ATOSA: variants seen among roughly 807,000 people sequenced by gnomAD.
The protein encoded by ATOSA is atos homolog protein A.
At chr15:52,642,522 C>T in the ATOSA span, among the ~76,000 whole-genome samples, 1 of 152,212 alleles carries the variant, frequency 6.6e-6, no homozygotes, top group Non-Finnish European at 1.5e-5. Flanking sequence ...AGTTTGGCCA[C>T]AAGCACAGAC....
chr15:52,703,242 CA>C, the ATOSA span, among the ~76,000 whole-genome samples: 4 of 151,960 alleles, frequency 2.6e-5, no homozygotes, highest in Admixed American at 2.0e-4. Flanking sequence ...TCCTTGGGCA[CA>C]GGGGTAGAGG....
At chr15:52,678,356 A>T in the ATOSA span, 1 of 474,706 alleles carries the variant, frequency 2.1e-6, no homozygotes, top group Non-Finnish European at 3.8e-6. Context: ...CAGTCTCTGA[A>T]CCAAAACAGG....
chr15:52,605,323 A>T, the ATOSA span: 1 of 1,044,500 alleles, frequency 9.6e-7, no homozygotes. Context: ...TTTTGTTTTT[A>T]GACTCATTCC....
the ATOSA span, among the ~76,000 whole-genome samples, chr15:52,653,775 GAC>G: frequency 9.2e-5 from 14 of 152,294 alleles, no homozygotes; most frequent in East Asian, 2.5e-3. Context: ...CTGGTTTAAT[GAC>G]AGTCTCCTCC....
At chr15:52,675,786 T>G in the ATOSA span, among the ~76,000 whole-genome samples, 1 of 151,948 alleles carries the variant, frequency 6.6e-6, no homozygotes, top group Non-Finnish European at 1.5e-5. Flanking sequence ...CGGGCGCCTG[T>G]AATCCCAGCT....
chr15:52,608,620 C>T, the ATOSA span: 5 of 1,607,324 alleles, frequency 3.1e-6, no homozygotes, highest in Admixed American at 3.4e-5. Context: ...GTCTTTTATA[C>T]TTCTTCTCTG....
chr15:52,651,700 T>A, the ATOSA span, among the ~76,000 whole-genome samples: 1 of 152,336 alleles, frequency 6.6e-6, no homozygotes, highest in East Asian at 1.9e-4. Context: ...AAACAGGCTA[T>A]ATGAAGCTAA....
the ATOSA span, chr15:52,658,643 C>G: frequency 7.6e-6 from 3 of 397,060 alleles, no homozygotes; most frequent in Non-Finnish European, 1.3e-5. Context: ...CATTCAAACT[C>G]AAAATATAGG....
chr15:52,626,162 A>AAATGAT, the ATOSA span, among the ~76,000 whole-genome samples: 2 of 152,182 alleles, frequency 1.3e-5, no homozygotes, highest in Admixed American at 6.5e-5. Flanking sequence ...TTGTAAAATC[A>AAATGAT]TTTGCCCAAG....
chr15:52,695,989 A>T, the ATOSA span, among the ~76,000 whole-genome samples: 2 of 152,058 alleles, frequency 1.3e-5, no homozygotes, highest in Non-Finnish European at 2.9e-5. Context: ...TGGAGAGGGG[A>T]TAGAGGCCTA....
chr15:52,674,238 T>G, the ATOSA span, among the ~76,000 whole-genome samples: 1 of 147,716 alleles, frequency 6.8e-6, no homozygotes. Context: ...TAAATAGAGA[T>G]AGGGTCTTGT....
the ATOSA span, among the ~76,000 whole-genome samples, chr15:52,674,583 C>T: frequency 6.6e-6 from 1 of 152,140 alleles, no homozygotes; most frequent in Non-Finnish European, 1.5e-5. Context: ...TAGCAAATGA[C>T]AATATAAATA....
At chr15:52,660,570 T>G in the ATOSA span, among the ~76,000 whole-genome samples, 1 of 152,264 alleles carries the variant, frequency 6.6e-6, no homozygotes, top group Non-Finnish European at 1.5e-5. Context: ...GGAATGTGTT[T>G]ATCTTACGCA....
At chr15:52,700,900 G>T in the ATOSA span, among the ~76,000 whole-genome samples, 1 of 152,182 alleles carries the variant, frequency 6.6e-6, no homozygotes, top group African/African-American at 2.4e-5. Flanking sequence ...TCATCAAAAT[G>T]TCAGTTCCCC....
At chr15:52,640,841 C>T in the ATOSA span, among the ~76,000 whole-genome samples, 1 of 151,700 alleles carries the variant, frequency 6.6e-6, no homozygotes, top group Non-Finnish European at 1.5e-5. Flanking sequence ...TGTATTTATA[C>T]ATTATATAAT....
the ATOSA span, among the ~76,000 whole-genome samples, chr15:52,680,109 C>A: frequency 6.6e-6 from 1 of 151,836 alleles, no homozygotes; most frequent in African/African-American, 2.4e-5. Context: ...CAGGAGGACA[C>A]TTTGACAGCA....
chr15:52,699,831 G>A, the ATOSA span, among the ~76,000 whole-genome samples: 3 of 152,260 alleles, frequency 2.0e-5, no homozygotes, highest in South Asian at 6.2e-4. Context: ...AGTGTTTGAG[G>A]AAATCTGAAG....
the ATOSA span, chr15:52,651,826 G>A: frequency 2.0e-6 from 3 of 1,523,056 alleles, no homozygotes; most frequent in Non-Finnish European, 1.8e-6. Flanking sequence ...ACAGAAAATT[G>A]GAAGCTTAAA....
chr15:52,655,420 G>A, the ATOSA span, among the ~76,000 whole-genome samples: 1 of 152,024 alleles, frequency 6.6e-6, no homozygotes, highest in African/African-American at 2.4e-5. Flanking sequence ...AACGATAAAA[G>A]GTTCAATCTG....
Sources: allele counts gnomAD v4.1 joint callset (sites outside exome capture counted in the v4.1 genomes callset), GRCh38; gene constraint gnomAD v4.1.1; transcripts MANE v1.5; gene names NCBI Gene and HGNC (gene_info 2026-07-23, HGNC 2026-07-21).